FRAS1: variants seen among roughly 807,000 people sequenced by gnomAD.
FRAS1 encodes extracellular matrix organizing protein FRAS1.
In FRAS1, 290 loss-of-function variants were observed where a neutral mutation model predicts 435.2. The ratio of observed to expected loss-of-function variants is 0.67; its 90% confidence interval spans 0.61 to 0.73. FRAS1 has a LOEUF of 0.73. Among genes scored for constraint, FRAS1 ranks in the 30% least tolerant of loss-of-function variants. FRAS1 has a pLI of 0.00. For missense variants in FRAS1, 4,860 were observed against 5,001.5 expected (o/e 0.97, Z 0.85); for synonymous variants, 1,800 against 1,851.0 (o/e 0.97, Z 0.71).
chr4:78,358,647 A>G (rs440095), intron 20 of FRAS1, among the ~76,000 whole-genome samples: 94,080 of 152,016 alleles, frequency 0.62, 29,767 homozygotes, highest in Non-Finnish European at 0.67. Context: ...AATGTAAACT[A>G]TAATAATAAT....
Position 78,076,101 on chromosome 4 carries a change from TCTC to T in FRAS1, c.108+10088_108+10090del, listed in dbSNP as rs748713084. Among the ~76,000 whole-genome samples the T allele has an allele frequency of 1.8e-4, 27 of 152,254 alleles. 1 individual carries two copies. Among genetic ancestry groups the T allele is most frequent in the Admixed American group, 1.1e-3 (17 of 15,274 alleles). On this transcript the variant is annotated intron_variant, in intron 2 of 73. Coordinates refer to ENST00000512123, the MANE Select transcript of FRAS1 (RefSeq NM_025074.7). Reference sequence around the variant, plus strand: ...GAGCACCATCCTCTGTTGTGTTCCTTCTCCTTTTTTTCATCCATGTCCAGGTGC... The same window carrying T: ...GAGCACCATCCTCTGTTGTGTTCCTTCTTTTTTTCATCCATGTCCAGGTGC...
intron 2 of FRAS1, among the ~76,000 whole-genome samples, chr4:78,222,876 T>C (rs1016005061): frequency 7.2e-5 from 11 of 152,212 alleles, no homozygotes; most frequent in African/African-American, 2.7e-4. Context: ...ATGAAAGCTG[T>C]ATTATTCAGC....
chr4:78,195,394 A>C (rs1039667318), intron 2 of FRAS1, among the ~76,000 whole-genome samples: 1 of 151,988 alleles, frequency 6.6e-6, no homozygotes, highest in African/African-American at 2.4e-5. Context: ...GGCAGGCAGG[A>C]CTCCTTGAGC....
intron 29 of FRAS1, among the ~76,000 whole-genome samples, chr4:78,396,484 T>C (rs77731892): frequency 0.024 from 3,589 of 152,336 alleles, 158 homozygotes; most frequent in African/African-American, 0.08. Context: ...CATTTCTGAA[T>C]GACAGCTTTG....
chr4:78,157,785 CT>C (rs1179880946), intron 2 of FRAS1, among the ~76,000 whole-genome samples: 2 of 152,002 alleles, frequency 1.3e-5, no homozygotes, highest in Admixed American at 6.6e-5. Flanking sequence ...TTAATAGTTT[CT>C]TTTTTTGCTG....
intron 2 of FRAS1, among the ~76,000 whole-genome samples, chr4:78,163,081 A>G (rs1721204187): frequency 6.6e-6 from 1 of 152,356 alleles, no homozygotes; most frequent in South Asian, 2.1e-4. Flanking sequence ...CACAGTTGTC[A>G]ACATTTCATG....
At chr4:78,409,390 A>C (rs1337972433) in intron 31 of FRAS1, among the ~76,000 whole-genome samples, 1 of 152,114 alleles carries the variant, frequency 6.6e-6, no homozygotes, top group Non-Finnish European at 1.5e-5. Context: ...CTCAGAAGAA[A>C]ATTGATGGCC....
intron 70 of FRAS1, 130 bp from the exon 71 acceptor site, chr4:78,534,319 T>C (rs1721816449): frequency 1.5e-6 from 1 of 655,150 alleles, no homozygotes; most frequent in South Asian, 2.3e-5. Context: ...CTTTATTCAG[T>C]GAATATTTAG....
chr4:78,487,551 A>C lies in FRAS1; in HGVS notation c.8753-1324A>C, dbSNP rs889331045. On this transcript the variant is annotated intron_variant, in intron 58 of 73. Coordinates refer to ENST00000512123, the MANE Select transcript of FRAS1 (RefSeq NM_025074.7). Reference sequence around the variant, plus strand: ...GAGGCTTTGACATATGATTCTTTGCATTGTTCGTGAATAAATTAATAACCA... The same window carrying C: ...GAGGCTTTGACATATGATTCTTTGCCTTGTTCGTGAATAAATTAATAACCA... Among the ~76,000 whole-genome samples the C allele has an allele frequency of 6.6e-5, 10 of 152,264 alleles. 1 individual carries two copies. Among genetic ancestry groups the C allele is most frequent in the East Asian group, 3.9e-4 (2 of 5,174 alleles).
intron 19 of FRAS1, among the ~76,000 whole-genome samples, chr4:78,333,970 A>AT: frequency 6.6e-6 from 1 of 152,044 alleles, no homozygotes; most frequent in Admixed American, 6.5e-5. Flanking sequence ...TGCTTGGCTA[A>AT]TTTTTTATTG....
intron 2 of FRAS1, among the ~76,000 whole-genome samples, chr4:78,229,127 T>C (rs1222305377): frequency 6.6e-6 from 1 of 152,180 alleles, no homozygotes; most frequent in African/African-American, 2.4e-5. Flanking sequence ...GGACACTGGT[T>C]GAAATATAGG....
chr4:78,499,589 C>A, intron 60 of FRAS1, 132 bp from the exon 61 acceptor site: 1 of 712,308 alleles, frequency 1.4e-6, no homozygotes, highest in Non-Finnish European at 2.3e-6. Flanking sequence ...TTTATGACTG[C>A]AAGCCATTTT....
At chr4:78,163,685 G>A (rs1305727675) in intron 2 of FRAS1, among the ~76,000 whole-genome samples, 1 of 152,198 alleles carries the variant, frequency 6.6e-6, no homozygotes, top group African/African-American at 2.4e-5. Flanking sequence ...GATCTATAGT[G>A]CTGTGGTTTC....
At chr4:78,128,567 T>C (rs550561279) in intron 2 of FRAS1, among the ~76,000 whole-genome samples, 1 of 152,376 alleles carries the variant, frequency 6.6e-6, no homozygotes, top group African/African-American at 2.4e-5. Context: ...GAGAAGTGTC[T>C]GTTCATATCC....
chr4:78,271,934 G>A (rs1290453368), intron 9 of FRAS1, among the ~76,000 whole-genome samples: 4 of 152,206 alleles, frequency 2.6e-5, no homozygotes, highest in Admixed American at 6.5e-5. Context: ...CCCACCAACA[G>A]TGTAAAAGTG....
chr4:78,195,494 G>A (rs549657009), intron 2 of FRAS1, among the ~76,000 whole-genome samples: 241 of 152,310 alleles, frequency 1.6e-3, no homozygotes, highest in African/African-American at 5.4e-3. Context: ...CTCCAGCCTC[G>A]CTGCCACCTT....
chr4:78,336,766 T>A (rs1468781058), intron 19 of FRAS1, among the ~76,000 whole-genome samples: 1 of 152,208 alleles, frequency 6.6e-6, no homozygotes. Flanking sequence ...CATCAGTTCC[T>A]GCAAAATCTA....
At chr4:78,334,930 T>C (rs1037415838) in intron 19 of FRAS1, among the ~76,000 whole-genome samples, 1 of 151,920 alleles carries the variant, frequency 6.6e-6, no homozygotes, top group East Asian at 1.9e-4. Flanking sequence ...AAGTAATTTT[T>C]TTTAAATTTT....
chr4:78,263,915 G>T (rs2867013), intron 6 of FRAS1, among the ~76,000 whole-genome samples: 29,039 of 152,128 alleles, frequency 0.19, 3,371 homozygotes, highest in East Asian at 0.32. Flanking sequence ...TATGACTGGG[G>T]TTTTCCACGA....
Sources: allele counts gnomAD v4.1 joint callset (sites outside exome capture counted in the v4.1 genomes callset), GRCh38; gene constraint gnomAD v4.1.1; transcripts MANE v1.5; gene names NCBI Gene and HGNC (gene_info 2026-07-23, HGNC 2026-07-21).